The following RIF1 variants were observed in gnomAD, a reference collection of about 807,000 sequenced individuals.
RIF1 encodes the protein telomere-associated protein RIF1.
A neutral mutation model predicts 247.1 loss-of-function variants in RIF1; 45 were observed. The ratio of observed to expected loss-of-function variants is 0.18; its 90% CI spans 0.14 to 0.23. The LOEUF (loss-of-function observed/expected upper bound fraction) is 0.23. Among genes scored for constraint, RIF1 ranks in the 10% least tolerant of loss-of-function variants. The probability of loss-of-function intolerance (pLI) is 1.00; values close to 1 mark genes in which losing one functional copy is unlikely to be tolerated. For synonymous variants in RIF1, 1,087 were observed against 978.8 expected (o/e 1.11, Z -2.06); for missense variants, 2,967 against 2,862.5 (o/e 1.04, Z -0.83).
chr2:151,533,029 G>A, the RIF1 span, among the ~76,000 whole-genome samples: 6 of 152,196 alleles, frequency 3.9e-5, no homozygotes, highest in South Asian at 2.1e-4. Context: ...TCATCTCCCT[G>A]CAACAGTTGT....
intron 5 of RIF1, 46 bp from the exon 6 acceptor site, chr2:151,416,761 A>T: frequency 1.2e-6 from 2 of 1,600,608 alleles, no homozygotes; most frequent in South Asian, 2.3e-5. Flanking sequence ...GCCAATAAAA[A>T]CAGTTCAGGC....
At chr2:151,526,414 GT>G in the RIF1 span, among the ~76,000 whole-genome samples, 1 of 152,112 alleles carries the variant, frequency 6.6e-6, no homozygotes, top group Non-Finnish European at 1.5e-5. Context: ...ATTCAAAAGG[GT>G]TTTTTCCTTA....
At chr2:151,506,290 CAGAAG>C (rs780163762) in exon 13 of RIF1, 22 of 1,530,092 alleles carry the variant, frequency 1.4e-5, no homozygotes, top group Non-Finnish European at 1.8e-5. Flanking sequence ...AGTGTTAACA[CAGAAG>C]AAAAGAAAAC....
intron 9 of RIF1, among the ~76,000 whole-genome samples, chr2:151,431,983 A>G (rs1690235074): frequency 6.6e-6 from 1 of 152,048 alleles, no homozygotes; most frequent in Non-Finnish European, 1.5e-5. Flanking sequence ...GGCCTGATTG[A>G]TGTTTCAGAA....
intron 26 of RIF1, 138 bp from the exon 27 acceptor site, chr2:151,461,000 T>G: frequency 1.3e-6 from 1 of 749,436 alleles, no homozygotes; most frequent in Non-Finnish European, 2.2e-6. Context: ...TTGTACTAAT[T>G]TGTTACGGAT....
chr2:151,430,313 G>A (rs1215992966), intron 9 of RIF1, among the ~76,000 whole-genome samples: 8 of 149,500 alleles, frequency 5.4e-5, no homozygotes, highest in African/African-American at 7.4e-5. Flanking sequence ...GAGGTACTGC[G>A]CCCGGCCTTT....
In RIF1 at chr2:151,464,331, A is replaced by G; in HGVS notation, c.4811A>G (p.Tyr1604Cys). The G allele has an allele frequency of 2.5e-6, 4 of 1,610,804 alleles. No homozygotes were observed. The highest frequency in any genetic ancestry group is 2.5e-6 in the Non-Finnish European group (3 of 1,179,232). Residue 1604 changes from tyrosine to cysteine, a missense_variant, in exon 30 of 36, where the codon TAT (tyrosine) becomes TGT (cysteine). Physicochemically the swap from Tyr to Cys is radical, Grantham distance 194. This residue lies in a region of RIF1 where 2,028 missense variants were observed against 1,825.6 expected (regional missense o/e 1.11). Coordinates refer to ENST00000444746, the MANE Select transcript of RIF1 (RefSeq NM_018151.5). Reference protein sequence around the residue: ...CIKAENQSHDYKATSEEDVSI... With the variant: ...CIKAENQSHDCKATSEEDVSI... ...AAAGCTGAAAATCAGTCACATGATT[A>G]TAAAGCAACTTCTGAAGAAGATGTA...
At chr2:151,452,246 T>A (rs981859435) in intron 21 of RIF1, among the ~76,000 whole-genome samples, 1 of 152,236 alleles carries the variant, frequency 6.6e-6, no homozygotes, top group Non-Finnish European at 1.5e-5. Flanking sequence ...ACAAGTTGCG[T>A]GATTTTTAAA....
chr2:151,482,917 A>G (rs930774220), downstream of RIF1, among the ~76,000 whole-genome samples: 5 of 152,080 alleles, frequency 3.3e-5, no homozygotes, highest in African/African-American at 1.2e-4. Context: ...TGACAGGTAG[A>G]GGTATTTCCC....
At chr2:151,446,372 C>A in intron 19 of RIF1, 54 bp from the exon 20 acceptor site, 4 of 1,411,208 alleles carry the variant, frequency 2.8e-6, no homozygotes, top group Non-Finnish European at 3.9e-6. Flanking sequence ...ATTCTATAAA[C>A]TTTGATAGAT....
At chr2:151,500,730 T>G (rs2063833758) in intron 11 of RIF1, among the ~76,000 whole-genome samples, 2 of 151,724 alleles carry the variant, frequency 1.3e-5, no homozygotes, top group Admixed American at 6.6e-5. Context: ...CCCAAGTAGC[T>G]GAGACTACAG....
At position 151,463,471 on chromosome 2, in the gene RIF1, T is replaced by C; in HGVS notation, c.3951T>C (p.Ser1317=). The stretch of plus-strand genomic sequence containing the variant: ...AGCCGGAGAAAAATACTGAGGAATC[T>C]GTTGAAGGCATTGTAGTCTTAGAAA... The part of the protein sequence containing the change: ...RSEPEKNTEE[S]VEGIVVLENN... The change falls in exon 30 of 36, where the codon TCT becomes TCC. Residue 1317 remains serine (S), a synonymous_variant. Transcript: ENST00000444746. The C allele has an allele frequency of 6.2e-7, 1 of 1,614,032 alleles. No individual in the cohort carries two copies.
At chr2:151,434,631 G>A (rs377530002) in intron 10 of RIF1, among the ~76,000 whole-genome samples, 1 of 151,736 alleles carries the variant, frequency 6.6e-6, no homozygotes, top group South Asian at 2.1e-4. Flanking sequence ...TAGTAGAGAC[G>A]GGGTTTCACT....
At chr2:151,526,593 A>C in the RIF1 span, among the ~76,000 whole-genome samples, 1 of 152,204 alleles carries the variant, frequency 6.6e-6, no homozygotes, top group African/African-American at 2.4e-5. Context: ...ACTGTAGTGA[A>C]GGGAAAGTAT....
chr2:151,445,395 G>A lies in RIF1; in HGVS notation c.2044G>A (p.Ala682Thr). 1 of 1,610,420 alleles carries A rather than the reference G, an allele frequency of 6.2e-7. No individual in the cohort carries two copies. Among genetic ancestry groups the A allele is most frequent in the Non-Finnish European group, 8.5e-7 (1 of 1,176,714 alleles). Residue 682 changes from alanine (A) to threonine (T), a missense_variant, in exon 19 of 36, where the codon GCA becomes ACA. Ala to Thr is a moderately conservative substitution (Grantham distance 58, BLOSUM62 0). Coordinates refer to ENST00000444746, the MANE Select transcript of RIF1 (RefSeq NM_018151.5). The stretch of plus-strand genomic sequence containing the variant: ...ACATAATTTTAGTGCCATCTATGGT[G>A]CATTGACTTTACCAGTAAACCACAT... Reference protein sequence around the residue: ...LEHNFSAIYGALTLPVNHIFS... With the variant: ...LEHNFSAIYGTLTLPVNHIFS...
chr2:151,445,503 T>G, intron 19 of RIF1, 58 bp downstream of exon 19: 1 of 906,020 alleles, frequency 1.1e-6, no homozygotes. Context: ...AAAATATTAT[T>G]TCATCCTTTA....
At position 151,477,562 on chromosome 2, in the gene RIF1, C is replaced by T. The variant is rs576727742; in HGVS notation, c.*2491C>T. ...CCCAAGTAGCTGGGACTACAGGTGC[C>T]CGCCACCATGCCCGGCTAATTTTTT... On this transcript the variant is annotated 3_prime_UTR_variant, in exon 36 of 36. Coordinates refer to ENST00000444746, the MANE Select transcript of RIF1 (RefSeq NM_018151.5). 7 of 152,210 alleles carry T rather than the reference C, an allele frequency of 4.6e-5. No individual in the cohort carries two copies. Among genetic ancestry groups the T allele is most frequent in the African/African-American group, 1.7e-4 (7 of 41,462 alleles). The allele number at this position is 152,210 out of a possible 1,614,324, so 9.4% of individuals were successfully genotyped here. A position where few individuals can be genotyped will look rare whatever the true frequency, so the allele number is the denominator to read the frequency against.
the RIF1 span, chr2:151,525,888 A>T: frequency 8.3e-7 from 1 of 1,201,268 alleles, no homozygotes; most frequent in Non-Finnish European, 1.2e-6. Flanking sequence ...AAGGCAACTG[A>T]CATTATTTCA....
At chr2:151,461,522 G>T (rs1696155756) in intron 27 of RIF1, among the ~76,000 whole-genome samples, 1 of 151,722 alleles carries the variant, frequency 6.6e-6, no homozygotes, top group Non-Finnish European at 1.5e-5. Flanking sequence ...CTCCCGAGTA[G>T]CTGGGACCAC....
Sources: gnomAD v4.1 joint callset for allele counts (sites outside exome capture counted in the v4.1 genomes callset) on GRCh38, gnomAD v4.1.1 for gene constraint, gnomAD v4.1.1 regional missense constraint, MANE v1.5 for transcripts, NCBI Gene and HGNC (gene_info 2026-07-23, HGNC 2026-07-21) for gene names.